The following SH2D1A variants were observed in gnomAD, a reference collection of about 807,000 sequenced individuals.
The protein encoded by SH2D1A is SH2 domain containing 1A, also known as SH2 domain-containing protein 1A.
A neutral mutation model predicts 10.1 loss-of-function variants in SH2D1A; 6 were observed. That is an observed-to-expected ratio of 0.60 (90% CI 0.33 to 1.18). SH2D1A has a LOEUF of 1.18. Among genes scored for constraint, SH2D1A ranks in the 50% most tolerant of loss-of-function variants. SH2D1A has a pLI of 0.04. For missense variants in SH2D1A, 51 were observed against 97.6 expected (o/e 0.52, Z 2.01); for synonymous variants, 42 against 36.9 (o/e 1.14, Z -0.51).
intron 1 of SH2D1A, among the ~76,000 whole-genome samples, chrX:124,363,890 C>CAAAAAAAAAAAAAAAA (rs1211666787): frequency 2.4e-4 from 8 of 33,273 alleles, no homozygotes; most frequent in Non-Finnish European, 2.4e-4. Flanking sequence ...GACTCTATCT[C>CAAAAAAAAAAAAAAAA]AAAAAAAAAA....
chrX:124,349,973 T>A (rs888151016), intron 1 of SH2D1A, among the ~76,000 whole-genome samples: 11 of 103,820 alleles, frequency 1.1e-4, no homozygotes, highest in Non-Finnish European at 1.8e-4. Context: ...TATAGTTTTA[T>A]AACCTAAAGA....
intron 1 of SH2D1A, among the ~76,000 whole-genome samples, chrX:124,350,288 A>AT: frequency 3.4e-5 from 1 of 29,009 alleles, no homozygotes; most frequent in African/African-American, 2.3e-4. Context: ...AATATTATAT[A>AT]ATATATAATA....
At chrX:124,357,252 C>A (rs1357185474) in intron 1 of SH2D1A, among the ~76,000 whole-genome samples, 1 of 112,030 alleles carries the variant, frequency 8.9e-6, no homozygotes, top group Non-Finnish European at 1.9e-5. Flanking sequence ...TGTTTCTCTG[C>A]GCATAGCTTA....
intron 3 of SH2D1A, among the ~76,000 whole-genome samples, chrX:124,370,662 T>G (rs1220651549): frequency 8.9e-6 from 1 of 112,084 alleles, no homozygotes; most frequent in Non-Finnish European, 1.9e-5. Flanking sequence ...AAAGATGGTA[T>G]AATTCAGAGA....
chrX:124,363,408 G>A (rs745771180), intron 1 of SH2D1A, among the ~76,000 whole-genome samples: 38 of 111,363 alleles, frequency 3.4e-4, no homozygotes, highest in African/African-American at 1.2e-3. Context: ...ATACAGTCAT[G>A]TGCAATATAG....
intron 1 of SH2D1A, among the ~76,000 whole-genome samples, chrX:124,363,406 A>G (rs1381840267): frequency 9.0e-6 from 1 of 111,642 alleles, no homozygotes; most frequent in Non-Finnish European, 1.9e-5. Context: ...TAATACAGTC[A>G]TGTGCAATAT....
intron 1 of SH2D1A, among the ~76,000 whole-genome samples, chrX:124,362,183 C>T (rs1279450456): frequency 1.8e-5 from 2 of 112,029 alleles, no homozygotes; most frequent in East Asian, 5.6e-4. Context: ...GGCTGCCATT[C>T]CTACTATAGG....
chrX:124,362,134 A>C (rs1309011262), intron 1 of SH2D1A, among the ~76,000 whole-genome samples: 1 of 112,092 alleles, frequency 8.9e-6, no homozygotes, highest in East Asian at 2.8e-4. Flanking sequence ...TTTCAAGAAA[A>C]GGGAAGAACG....
At chrX:124,357,353 T>C (rs2060028930) in intron 1 of SH2D1A, among the ~76,000 whole-genome samples, 2 of 112,558 alleles carry the variant, frequency 1.8e-5, no homozygotes, top group African/African-American at 6.5e-5. Context: ...TATTCCATTG[T>C]GTATATACAA....
intron 2 of SH2D1A, among the ~76,000 whole-genome samples, chrX:124,366,126 T>C (rs752574882): frequency 1.8e-5 from 2 of 111,274 alleles, no homozygotes; most frequent in South Asian, 7.6e-4. Context: ...GTAAAATAAT[T>C]AAATGAACAA....
At chrX:124,349,504 G>A (rs113536942) in intron 1 of SH2D1A, among the ~76,000 whole-genome samples, 5 of 111,711 alleles carry the variant, frequency 4.5e-5, no homozygotes, top group African/African-American at 1.3e-4. Flanking sequence ...AGGTATAGCT[G>A]ACAAACATGC....
intron 3 of SH2D1A, among the ~76,000 whole-genome samples, chrX:124,371,056 C>T (rs2060068053): frequency 9.0e-6 from 1 of 111,375 alleles, no homozygotes; most frequent in Non-Finnish European, 1.9e-5. Context: ...TGACAGGGAC[C>T]TAGGCTCAGG....
intron 1 of SH2D1A, among the ~76,000 whole-genome samples, chrX:124,347,091 A>G (rs745453094): frequency 9.0e-6 from 1 of 111,387 alleles, no homozygotes; most frequent in Non-Finnish European, 1.9e-5. Context: ...TCGCTCCGGG[A>G]AAGACCCAGG....
Position 124,346,595 on chromosome X carries a change from T to A in SH2D1A, c.-48T>A. On this transcript the variant is annotated 5_prime_UTR_variant, in exon 1 of 4. Coordinates refer to ENST00000371139, the MANE Select transcript of SH2D1A (RefSeq NM_002351.5). The stretch of plus-strand genomic sequence containing the variant: ...GCCTGGCTGCAGTAGCAGCGGCATC[T>A]CCCTTGCACAGTTCTCCTCCTCGGC... 6.6e-6 allele frequency: 8 copies of A among 1,204,503 alleles called. No homozygotes were observed. Among genetic ancestry groups the A allele is most frequent in the Non-Finnish European group, 9.0e-6 (8 of 889,165 alleles).
At chrX:124,356,713 C>A (rs1420481448) in intron 1 of SH2D1A, among the ~76,000 whole-genome samples, 1 of 112,375 alleles carries the variant, frequency 8.9e-6, no homozygotes, top group African/African-American at 3.2e-5. Context: ...CCCACTTCAG[C>A]CTCCCAGAGT....
chrX:124,361,478 T>C (rs1159665509), intron 1 of SH2D1A, among the ~76,000 whole-genome samples: 6 of 111,783 alleles, frequency 5.4e-5, no homozygotes, highest in Admixed American at 1.9e-4. Context: ...AACAAATACC[T>C]AAAAATGTGG....
chrX:124,361,127 G>T (rs1385719418), intron 1 of SH2D1A, among the ~76,000 whole-genome samples: 1 of 111,758 alleles, frequency 8.9e-6, no homozygotes, highest in Non-Finnish European at 1.9e-5. Context: ...CAATATGCTT[G>T]TATTTGGAGA....
At chrX:124,359,793 G>A (rs2060035575) in intron 1 of SH2D1A, among the ~76,000 whole-genome samples, 1 of 112,280 alleles carries the variant, frequency 8.9e-6, no homozygotes. Context: ...ATCCACATCA[G>A]TAGTTAAATT....
intron 2 of SH2D1A, among the ~76,000 whole-genome samples, chrX:124,369,278 A>G (rs762697421): frequency 8.9e-6 from 1 of 111,804 alleles, no homozygotes; most frequent in East Asian, 2.8e-4. Context: ...GCTCATAGCA[A>G]TACTATTTTA....
Sources: gnomAD v4.1 joint callset for allele counts (sites outside exome capture counted in the v4.1 genomes callset) on GRCh38, gnomAD v4.1.1 for gene constraint, MANE v1.5 for transcripts, NCBI Gene and HGNC (gene_info 2026-07-23, HGNC 2026-07-21) for gene names.